Variants in CCDC102B observed in about 807,000 individuals in gnomAD.
CCDC102B encodes coiled-coil domain containing 102B.
CCDC102B carries 75 observed loss-of-function variants against 57.4 expected under a neutral mutation model. That is an observed-to-expected ratio of 1.31 (90% confidence interval 1.08 to 1.58). The LOEUF (loss-of-function observed/expected upper bound fraction) is 1.58, where lower values mean the gene tolerates loss of function less well. Among genes scored for constraint, CCDC102B ranks in the 40% most tolerant of loss-of-function variants. The probability of loss-of-function intolerance (pLI) is 0.00; values close to 1 mark genes in which losing one functional copy is unlikely to be tolerated. For missense variants in CCDC102B, 636 were observed against 582.6 expected, an observed-to-expected ratio of 1.09 and a Z score of -0.94; for synonymous variants, 206 against 201.9, an observed-to-expected ratio of 1.02 and a Z score of -0.17.
intron 2 of CCDC102B, chr18:68,753,489 ATACCACACACAT>A (rs1162447796): frequency 1.3e-5 from 2 of 152,200 alleles, no homozygotes; most frequent in African/African-American, 2.4e-5. Flanking sequence ...CACACCTCAC[ATACCACACACAT>A]TACCACACAT....
chr18:68,921,690 A>G (rs1180666022), intron 6 of CCDC102B, among the ~76,000 whole-genome samples: 1 of 152,162 alleles, frequency 6.6e-6, no homozygotes, highest in Non-Finnish European at 1.5e-5. Flanking sequence ...GAGCAGAGAA[A>G]GGCCTCTGCT....
At chr18:69,057,201 G>C (rs993028897), downstream of CCDC102B, among the ~76,000 whole-genome samples, 24 of 152,106 alleles carry the variant, frequency 1.6e-4, no homozygotes, top group African/African-American at 5.8e-4. Flanking sequence ...TGTTATGGCA[G>C]CACTGCATTT....
chr18:68,727,677 C>T (rs1192440000), intron 2 of CCDC102B, among the ~76,000 whole-genome samples: 1 of 152,172 alleles, frequency 6.6e-6, no homozygotes, highest in African/African-American at 2.4e-5. Flanking sequence ...TGGCAATTGG[C>T]CTGGTTTACA....
chr18:68,889,141 C>T (rs1391774180), intron 5 of CCDC102B, among the ~76,000 whole-genome samples: 1 of 151,454 alleles, frequency 6.6e-6, no homozygotes, highest in Non-Finnish European at 1.5e-5. Flanking sequence ...CACTTGTGTT[C>T]TGCCAAAATT....
Position 68,975,757 on chromosome 18 carries a change from C to T in CCDC102B, c.1264-35177C>T, listed in dbSNP as rs114674437. Among the ~76,000 whole-genome samples the T allele has an allele frequency of 7.1e-4, 107 of 151,524 alleles. 1 individual carries two copies. The highest frequency in any genetic ancestry group is 2.5e-3 in the African/African-American group (103 of 41,296). On this transcript the variant is annotated intron_variant, in intron 6 of 7. Transcript: ENST00000360242. ...CTAGAGTCAGGGGTCATTGCACAAACGATTTCATTCATTCACTAATTCTTT... is the reference window on the plus strand; with the variant it reads ...CTAGAGTCAGGGGTCATTGCACAAATGATTTCATTCATTCACTAATTCTTT...
chr18:68,803,635 C>A (rs1305321211), intron 1 of CCDC102B, among the ~76,000 whole-genome samples: 1 of 152,180 alleles, frequency 6.6e-6, no homozygotes, highest in East Asian at 1.9e-4. Flanking sequence ...CAGGGAGGCA[C>A]AGGCAGAAGC....
intron 6 of CCDC102B, among the ~76,000 whole-genome samples, chr18:68,972,380 A>G (rs937246427): frequency 1.3e-5 from 2 of 151,862 alleles, no homozygotes; most frequent in Admixed American, 1.3e-4. Context: ...TTACACTCCT[A>G]TCTGATTGCG....
In CCDC102B at chr18:68,835,224, G is replaced by T. The variant is rs559653541; in HGVS notation, c.-15-1525G>T. On this transcript the variant is annotated intron_variant, in intron 1 of 7. Coordinates refer to ENST00000360242, the MANE Select transcript of CCDC102B (RefSeq NM_024781.3). ...TGTGTTGGTATTTGTATGGAAAGTT[G>T]ATTTTAATTCCTTTACAAAGCTTTG... 1.5e-4 allele frequency among the ~76,000 whole-genome samples: 23 copies of T among 152,146 alleles called. No individual in the cohort carries two copies. In the South Asian group the frequency reaches 4.6e-3, roughly 30 times the overall value.
intron 6 of CCDC102B, among the ~76,000 whole-genome samples, chr18:69,005,319 A>C (rs756532618): frequency 6.6e-6 from 1 of 152,136 alleles, no homozygotes; most frequent in Non-Finnish European, 1.5e-5. Flanking sequence ...TTTCTCTTAA[A>C]TATAGTTGAA....
At chr18:68,880,661 TGA>T (rs151302611) in intron 5 of CCDC102B, among the ~76,000 whole-genome samples, 1,613 of 152,346 alleles carry the variant, frequency 0.011, 36 homozygotes, top group East Asian at 0.08. Flanking sequence ...TTTGTTGAAT[TGA>T]GTTACTTCTT....
At chr18:68,769,135 C>T (rs1445130270) in intron 2 of CCDC102B, among the ~76,000 whole-genome samples, 9 of 151,912 alleles carry the variant, frequency 5.9e-5, no homozygotes, top group Admixed American at 3.9e-4. Context: ...TGCCTGTAAT[C>T]CTAGCTACTC....
intron 6 of CCDC102B, 31 bp downstream of exon 6, chr18:68,897,459 T>C (rs747693440): frequency 1.3e-6 from 2 of 1,599,938 alleles, no homozygotes; most frequent in Admixed American, 1.7e-5. Flanking sequence ...AAATTCTCAC[T>C]GTCTAATCTC....
rs369374247 is a variant in CCDC102B at position 69,017,047 on chromosome 18, C to G, written c.1434+5943C>G. Among the ~76,000 whole-genome samples, 14 of 151,628 alleles carry G rather than the reference C, an allele frequency of 9.2e-5. No individual in the cohort carries two copies. The South Asian group carries it at 2.9e-3, about 32-fold the overall frequency. ...TATAAAATTAAAAAGGGTTTAATCT[C>G]TCATCTTTCTGTGTTATTAATAAGA... On this transcript the variant is annotated intron_variant, in intron 7 of 7. Coordinates refer to ENST00000360242, the MANE Select transcript of CCDC102B (RefSeq NM_024781.3).
At chr18:68,771,869 TACACACACACAC>T (rs57733183) in intron 2 of CCDC102B, among the ~76,000 whole-genome samples, 9 of 142,026 alleles carry the variant, frequency 6.3e-5, no homozygotes, top group African/African-American at 1.6e-4. Context: ...TACTCTGAAA[TACACACACACAC>T]ACACACACAC....
chr18:68,743,009 C>A (rs996548229), intron 2 of CCDC102B, among the ~76,000 whole-genome samples: 4 of 151,980 alleles, frequency 2.6e-5, no homozygotes, highest in Non-Finnish European at 5.9e-5. Flanking sequence ...AAATTTTTAA[C>A]TTATGAATTT....
At chr18:68,980,477 A>G (rs1227068037) in intron 6 of CCDC102B, among the ~76,000 whole-genome samples, 1 of 151,818 alleles carries the variant, frequency 6.6e-6, no homozygotes, top group Non-Finnish European at 1.5e-5. Context: ...GTCAATCAAG[A>G]AAAAACAAAT....
intron 7 of CCDC102B, among the ~76,000 whole-genome samples, chr18:69,030,344 T>A (rs2052105400): frequency 1.3e-5 from 2 of 152,186 alleles, no homozygotes; most frequent in South Asian, 2.1e-4. Context: ...CAGATAATAG[T>A]CATCAATATT....
rs576626985 is a variant in CCDC102B, at chr18:68,817,100, G to A, written c.-16+18919G>A. On this transcript the variant is annotated intron_variant, in intron 1 of 7. Transcript: ENST00000360242. ...TTTCTTACTAGTAGGAAAATCCATC[G>A]TTATAAAATGTTGCATGCATTTTTA... Among the ~76,000 whole-genome samples, 205 of 152,212 alleles carry A rather than the reference G, an allele frequency of 1.3e-3. 1 individual carries two copies. Among genetic ancestry groups the A allele is most frequent in the Admixed American group, 7.3e-3 (111 of 15,300 alleles).
At chr18:68,888,902 A>G (rs2039978403) in intron 5 of CCDC102B, among the ~76,000 whole-genome samples, 3 of 152,110 alleles carry the variant, frequency 2.0e-5, no homozygotes, top group Non-Finnish European at 4.4e-5. Flanking sequence ...GAAACCCTTT[A>G]TCTAATGATT....
Sources: allele counts gnomAD v4.1 joint callset (sites outside exome capture counted in the v4.1 genomes callset), GRCh38; gene constraint gnomAD v4.1.1; transcripts MANE v1.5; gene names NCBI Gene and HGNC (gene_info 2026-07-23, HGNC 2026-07-21).